Variants in ACOXL observed in about 807,000 individuals in gnomAD.
ACOXL encodes the protein acyl-coenzyme A oxidase-like protein.
In ACOXL, 70 loss-of-function variants were observed where a neutral mutation model predicts 71.9. The observed-to-expected ratio is 0.97, with a 90% CI of 0.80 to 1.19. ACOXL has a LOEUF of 1.19. Among genes scored for constraint, ACOXL ranks in the 50% most tolerant of loss-of-function variants. ACOXL has a pLI of 0.00. For missense variants in ACOXL, 703 were observed against 736.3 expected, an observed-to-expected ratio of 0.95 and a Z score of 0.52; for synonymous variants, 253 against 281.6, an observed-to-expected ratio of 0.90 and a Z score of 1.02.
intron 13 of ACOXL, among the ~76,000 whole-genome samples, chr2:110,987,919 G>A (rs867873579): frequency 7.2e-5 from 11 of 152,148 alleles, no homozygotes; most frequent in Middle Eastern, 3.4e-3. Flanking sequence ...TGTTTTCTGG[G>A]GGATGTGCAC....
intron 9 of ACOXL, among the ~76,000 whole-genome samples, chr2:110,806,730 T>C (rs1178993645): frequency 6.6e-6 from 1 of 152,120 alleles, no homozygotes; most frequent in African/African-American, 2.4e-5. Flanking sequence ...TGGGCGCATA[T>C]AAAAAACGCA....
At chr2:110,777,740 G>A (rs572770714) in intron 2 of ACOXL, among the ~76,000 whole-genome samples, 1 of 152,326 alleles carries the variant, frequency 6.6e-6, no homozygotes, top group South Asian at 2.1e-4. Context: ...GGTGAGCCGG[G>A]GTTGACACTG....
chr2:110,925,648 C>T (rs2060241618), intron 11 of ACOXL, among the ~76,000 whole-genome samples: 1 of 152,172 alleles, frequency 6.6e-6, no homozygotes, highest in Admixed American at 6.5e-5. Context: ...GATCTTCCAT[C>T]CAGACCACTA....
At chr2:110,821,552 C>G (rs189796339) in intron 9 of ACOXL, among the ~76,000 whole-genome samples, 1 of 152,314 alleles carries the variant, frequency 6.6e-6, no homozygotes, top group African/African-American at 2.4e-5. Flanking sequence ...CCCTGTCCAT[C>G]TCTTCACCTG....
At chr2:111,016,169 C>T (rs1558871354) in intron 14 of ACOXL, among the ~76,000 whole-genome samples, 2 of 151,780 alleles carry the variant, frequency 1.3e-5, no homozygotes, top group African/African-American at 2.4e-5. Context: ...CTCCTGACCT[C>T]GAGTAATCCT....
At chr2:110,790,656 C>T (rs1483680062) in intron 3 of ACOXL, among the ~76,000 whole-genome samples, 1 of 152,200 alleles carries the variant, frequency 6.6e-6, no homozygotes, top group Non-Finnish European at 1.5e-5. Context: ...TCTCTGTGTC[C>T]TGTTCCCTGA....
chr2:110,826,616 C>T lies in ACOXL; in HGVS notation c.754-14755C>T, dbSNP rs537136319. Among the ~76,000 whole-genome samples the T allele has an allele frequency of 3.3e-5, 5 of 152,238 alleles. No individual in the cohort carries two copies. In the South Asian group the frequency reaches 1.0e-3, roughly 32 times the overall value. On this transcript the variant is annotated intron_variant, in intron 9 of 17. Coordinates refer to ENST00000439055, the MANE Select transcript of ACOXL (RefSeq NM_001142807.4). ...CTGTTTCCACATACAGAGAAGCACA[C>T]TTTGTTGTTGGTGGCCATTGATTCA...
At chr2:111,031,567 A>G in intron 14 of ACOXL, 60 bp from the exon 15 acceptor site, 3 of 1,487,858 alleles carry the variant, frequency 2.0e-6, no homozygotes, top group South Asian at 1.1e-5. Context: ...CTGTCTTGCT[A>G]TTAAGTTAGA....
At chr2:110,782,453 TG>T (rs1318233572) in intron 2 of ACOXL, among the ~76,000 whole-genome samples, 2 of 152,232 alleles carry the variant, frequency 1.3e-5, no homozygotes, top group African/African-American at 4.8e-5. Context: ...TCTGGAACTT[TG>T]GTTTGGCATC....
At position 110,865,544 on chromosome 2, in the gene ACOXL, A is replaced by G. The variant is rs1694487891; in HGVS notation, c.788+24139A>G. 1.3e-5 allele frequency among the ~76,000 whole-genome samples: 2 copies of G among 152,198 alleles called. 1 individual carries two copies. Among genetic ancestry groups the G allele is most frequent in the South Asian group, 4.1e-4 (2 of 4,836 alleles). On this transcript the variant is annotated intron_variant, in intron 10 of 17. Coordinates refer to ENST00000439055, the MANE Select transcript of ACOXL (RefSeq NM_001142807.4). ...AAGCAGCCAACCTAAGGGGTATTGA[A>G]GAAAGGAGCATTTGTGATATTTCAG...
At chr2:110,817,121 A>G (rs537742783) in intron 9 of ACOXL, among the ~76,000 whole-genome samples, 33 of 152,186 alleles carry the variant, frequency 2.2e-4, no homozygotes, top group Non-Finnish European at 4.0e-4. Context: ...TCAGCCCTGC[A>G]CCCAGCCCAT....
At chr2:110,812,648 T>G (rs1179441305) in intron 9 of ACOXL, among the ~76,000 whole-genome samples, 1 of 152,260 alleles carries the variant, frequency 6.6e-6, no homozygotes, top group Non-Finnish European at 1.5e-5. Context: ...AAGATACATC[T>G]ACTGCCCTTT....
intron 10 of ACOXL, among the ~76,000 whole-genome samples, chr2:110,891,107 G>C (rs932720563): frequency 6.6e-6 from 1 of 151,782 alleles, no homozygotes; most frequent in East Asian, 1.9e-4. Context: ...ATTAATTTTT[G>C]TATATTTATC....
intron 1 of ACOXL, among the ~76,000 whole-genome samples, chr2:110,760,897 A>G (rs1680317667): frequency 6.6e-6 from 1 of 152,208 alleles, no homozygotes; most frequent in Admixed American, 6.5e-5. Context: ...AGAATGTCCC[A>G]TTGGCTAGGT....
At chr2:110,852,354 GC>G (rs767658700) in intron 10 of ACOXL, among the ~76,000 whole-genome samples, 9 of 152,046 alleles carry the variant, frequency 5.9e-5, no homozygotes, top group Non-Finnish European at 2.9e-5. Flanking sequence ...GCGCGTGGGG[GC>G]CCTGGCTCCC....
intron 16 of ACOXL, among the ~76,000 whole-genome samples, chr2:111,075,065 T>C (rs1229112728): frequency 6.6e-6 from 1 of 152,220 alleles, no homozygotes; most frequent in East Asian, 1.9e-4. Context: ...CTGTACGATC[T>C]TTGCCTAGTT....
At chr2:111,116,974 G>A (rs1837367) in intron 17 of ACOXL, among the ~76,000 whole-genome samples, 63,710 of 152,064 alleles carry the variant, frequency 0.42, 13,879 homozygotes, top group Non-Finnish European at 0.48. Flanking sequence ...CATCCGCGGC[G>A]TTCCTTGGCA....
chr2:111,056,310 C>T (rs1329991731), intron 16 of ACOXL, among the ~76,000 whole-genome samples: 7 of 151,986 alleles, frequency 4.6e-5, no homozygotes, highest in East Asian at 3.9e-4. Context: ...CATTGAAGCC[C>T]GGGATACTTC....
intron 17 of ACOXL, 96 bp from the exon 18 acceptor site, chr2:111,117,520 T>G: frequency 1.6e-6 from 2 of 1,288,794 alleles, no homozygotes; most frequent in Non-Finnish European, 2.2e-6. Context: ...CCGGGGCCGC[T>G]GTGTGTGCGG....
Sources: gnomAD v4.1 joint callset for allele counts (sites outside exome capture counted in the v4.1 genomes callset) on GRCh38, gnomAD v4.1.1 for gene constraint, MANE v1.5 for transcripts, NCBI Gene and HGNC (gene_info 2026-07-23, HGNC 2026-07-21) for gene names.